SPOPL: variants seen among roughly 807,000 people sequenced by gnomAD.
SPOPL encodes the protein speckle type BTB/POZ protein like.
SPOPL carries 23 observed loss-of-function variants against 53.8 expected under a neutral mutation model. That is an observed-to-expected ratio of 0.43 (90% CI 0.31 to 0.61). The LOEUF (loss-of-function observed/expected upper bound fraction) is 0.61, where lower values mean the gene tolerates loss of function less well. Among genes scored for constraint, SPOPL ranks in the 20% least tolerant of loss-of-function variants. The pLI is 0.12. For missense variants in SPOPL, 442 were observed against 466.9 expected (o/e 0.95, Z 0.49); for synonymous variants, 164 against 149.7 (o/e 1.10, Z -0.70).
At chr2:138,560,780 T>G (rs1685528369) in intron 7 of SPOPL, 25 bp from the exon 8 acceptor site, 2 of 1,568,760 alleles carry the variant, frequency 1.3e-6, no homozygotes, top group Non-Finnish European at 8.6e-7. Flanking sequence ...TTTTTTAACA[T>G]TTTTGTGTTG....
At chr2:138,565,098 A>G (rs796653460) in intron 10 of SPOPL, 105 bp downstream of exon 10, 27 of 1,398,714 alleles carry the variant, frequency 1.9e-5, no homozygotes, top group Non-Finnish European at 2.5e-5. Context: ...CAAATGTTAC[A>G]TGAAGCAAAC....
chr2:138,547,433 T>C (rs1187568642), intron 1 of SPOPL, among the ~76,000 whole-genome samples: 1 of 152,120 alleles, frequency 6.6e-6, no homozygotes, highest in Non-Finnish European at 1.5e-5. Context: ...TTTATGTTTT[T>C]TGTTAGTATT....
chr2:138,551,615 G>T (rs186930828), intron 4 of SPOPL, among the ~76,000 whole-genome samples: 2 of 151,974 alleles, frequency 1.3e-5, no homozygotes. Flanking sequence ...GGAAATGTAC[G>T]TTGTGTGTGG....
chr2:138,559,190 G>T lies in SPOPL; in HGVS notation c.649G>T (p.Val217Leu). ...ACAAGAATTTAAAGCTCATAAATCT[G>T]TGCTTGCAGGTACTTTCTAGTTATG... ...RGQEFKAHKS[V>L]LAARSPVFNA... The change falls in exon 6 of 11, where the codon GTG becomes TTG. Residue 217 changes from valine (V) to leucine (L), a missense_variant. By Grantham distance (32) the Val-to-Leu change is conservative. Transcript: ENST00000280098. 6.2e-7 allele frequency: 1 copy of T among 1,613,202 alleles called. No individual in the cohort carries two copies. The highest frequency in any genetic ancestry group is 1.3e-5 in the African/African-American group (1 of 74,974).
At chr2:138,529,950 T>C (rs923506934) in intron 1 of SPOPL, among the ~76,000 whole-genome samples, 2 of 152,206 alleles carry the variant, frequency 1.3e-5, no homozygotes, top group African/African-American at 2.4e-5. Flanking sequence ...TTAGTTCTTT[T>C]TCCTAATCCT....
intron 5 of SPOPL, chr2:138,554,529 T>C: frequency 7.8e-7 from 1 of 1,284,522 alleles, no homozygotes; most frequent in Non-Finnish European, 1.0e-6. Flanking sequence ...AGTGGTGCTG[T>C]AGACAGGTAA....
intron 1 of SPOPL, among the ~76,000 whole-genome samples, chr2:138,542,389 TAAGGACTTGCTTTATG>T (rs1685091730): frequency 6.6e-6 from 1 of 152,220 alleles, no homozygotes; most frequent in African/African-American, 2.4e-5. Context: ...TGTAGGTCTG[TAAGGACTTGCTTTATG>T]AATCTGGGTG....
intron 5 of SPOPL, among the ~76,000 whole-genome samples, chr2:138,554,862 GAC>G (rs907549849): frequency 1.3e-5 from 2 of 152,062 alleles, no homozygotes; most frequent in Admixed American, 1.3e-4. Flanking sequence ...CCTTTTTAAG[GAC>G]ACATCTTTTT....
intron 1 of SPOPL, among the ~76,000 whole-genome samples, chr2:138,526,814 C>T (rs1000201616): frequency 7.9e-5 from 12 of 151,674 alleles, no homozygotes; most frequent in African/African-American, 2.4e-4. Flanking sequence ...GCAACCTCCA[C>T]CTCCTGGGTT....
intron 8 of SPOPL, among the ~76,000 whole-genome samples, chr2:138,561,277 G>A (rs1685542418): frequency 1.3e-5 from 2 of 151,968 alleles, no homozygotes; most frequent in South Asian, 2.1e-4. Context: ...TTAAAAAAAG[G>A]AAAAAATATT....
At chr2:138,531,040 C>G (rs968744908) in intron 1 of SPOPL, among the ~76,000 whole-genome samples, 3 of 151,810 alleles carry the variant, frequency 2.0e-5, no homozygotes, top group African/African-American at 7.3e-5. Flanking sequence ...AATGCTTTTT[C>G]TGCAACTATC....
At chr2:138,542,858 G>T (rs1310466977) in intron 1 of SPOPL, among the ~76,000 whole-genome samples, 4 of 152,126 alleles carry the variant, frequency 2.6e-5, no homozygotes, top group African/African-American at 9.7e-5. Context: ...TGGCATGTTT[G>T]TGCAGTGGCT....
chr2:138,527,566 G>T (rs1684702656), intron 1 of SPOPL, among the ~76,000 whole-genome samples: 1 of 152,120 alleles, frequency 6.6e-6, no homozygotes, highest in Non-Finnish European at 1.5e-5. Flanking sequence ...AAAGCAGCTT[G>T]TTCTTGTCTT....
In SPOPL at chr2:138,572,260, G is replaced by A. The variant is rs950512541; in HGVS notation, c.*3180G>A. 3.9e-5 allele frequency: 6 copies of A among 152,510 alleles called. No homozygotes were observed. Among genetic ancestry groups the A allele is most frequent in the Admixed American group, 1.3e-4 (2 of 15,268 alleles). The allele number at this position is 152,510 out of a possible 1,614,324, so 9.4% of individuals were successfully genotyped here. On this transcript the variant is annotated 3_prime_UTR_variant, in exon 11 of 11. Coordinates refer to ENST00000280098, the MANE Select transcript of SPOPL (RefSeq NM_001001664.3). ...AAATGTGAAAACAGTGCCTTTTTAG[G>A]ACATCAATTATAATAAAATTGTTTT...
At chr2:138,527,470 T>C (rs1414642331) in intron 1 of SPOPL, among the ~76,000 whole-genome samples, 2 of 152,220 alleles carry the variant, frequency 1.3e-5, no homozygotes, top group African/African-American at 4.8e-5. Context: ...GCATCAGTTA[T>C]GACTATATTA....
chr2:138,546,497 C>G (rs1017726862), intron 1 of SPOPL, among the ~76,000 whole-genome samples: 1 of 152,168 alleles, frequency 6.6e-6, no homozygotes, highest in African/African-American at 2.4e-5. Flanking sequence ...GGAAATAGCA[C>G]TGAAGTGGAC....
chr2:138,516,403 A>G (rs57397864), intron 1 of SPOPL, among the ~76,000 whole-genome samples: 2,891 of 152,312 alleles, frequency 0.019, 88 homozygotes, highest in African/African-American at 0.065. Flanking sequence ...CAGAACAGGA[A>G]TAAGGTCTGT....
Position 138,545,823 on chromosome 2 carries a change from G to A in SPOPL, c.-60-4334G>A, listed in dbSNP as rs76474266. On this transcript the variant is annotated intron_variant, in intron 1 of 10. Coordinates refer to ENST00000280098, the MANE Select transcript of SPOPL (RefSeq NM_001001664.3). ...CCAGCTATTCATTTCTTTTGTGGAC[G>A]GATGGAGTTTTGGAGCTCTCTACTA... Among the ~76,000 whole-genome samples, 999 of 152,218 alleles carry A rather than the reference G, an allele frequency of 6.6e-3. 31 individuals are homozygous for A. Among genetic ancestry groups the A allele is most frequent in the Admixed American group, 0.054 (825 of 15,288 alleles).
At chr2:138,525,848 A>G (rs964337657) in intron 1 of SPOPL, among the ~76,000 whole-genome samples, 1 of 152,006 alleles carries the variant, frequency 6.6e-6, no homozygotes, top group Non-Finnish European at 1.5e-5. Context: ...AAAAAAAAAA[A>G]AAAGTTGTAA....
Sources: gnomAD v4.1 joint callset for allele counts (sites outside exome capture counted in the v4.1 genomes callset) on GRCh38, gnomAD v4.1.1 for gene constraint, MANE v1.5 for transcripts, NCBI Gene and HGNC (gene_info 2026-07-23, HGNC 2026-07-21) for gene names.